The following MLLT6 variants were observed in gnomAD, a reference collection of about 807,000 sequenced individuals.
The protein encoded by MLLT6 is protein AF-17.
MLLT6 carries 22 observed loss-of-function variants against 103.0 expected under a neutral mutation model. The ratio of observed to expected loss-of-function variants is 0.21; its 90% confidence interval spans 0.15 to 0.31. The LOEUF (loss-of-function observed/expected upper bound fraction) is 0.31. MLLT6 is among the 10% of genes least tolerant of loss of function. The pLI is 1.00. For synonymous variants in MLLT6, 606 were observed against 623.5 expected (o/e 0.97, Z 0.42); for missense variants, 1,199 against 1,441.7 (o/e 0.83, Z 2.73).
At position 38,707,880 on chromosome 17, in the gene MLLT6, GCC is replaced by G; in HGVS notation, c.354+13_354+14del. ...CATGATCGCTTCAACAAGGTCAGCG[GCC>G]CCCCGCCGTGTCCCCTACCAGTTCC... is the stretch of plus-strand genomic sequence containing the variant. On this transcript the variant is annotated intron_variant, in intron 4 of 19. Coordinates refer to ENST00000621332, the MANE Select transcript of MLLT6 (RefSeq NM_005937.4). 1 of 1,562,542 alleles carries G rather than the reference GCC, an allele frequency of 6.4e-7. No homozygotes were observed. The highest frequency in any genetic ancestry group is 8.8e-7 in the Non-Finnish European group (1 of 1,139,116).
intron 16 of MLLT6, among the ~76,000 whole-genome samples, chr17:38,721,356 CATTT>C (rs1179762725): frequency 6.6e-6 from 1 of 152,174 alleles, no homozygotes; most frequent in Non-Finnish European, 1.5e-5. Flanking sequence ...TTAAAGCATT[CATTT>C]AGTCTTCATA....
Position 38,720,484 on chromosome 17 carries a change from G to C in MLLT6, c.2268G>C (p.Gln756His), listed in dbSNP as rs368322601. 1.9e-6 allele frequency: 3 copies of C among 1,612,792 alleles called. No homozygotes were observed. The highest frequency in any genetic ancestry group is 2.5e-6 in the Non-Finnish European group (3 of 1,179,894). The change falls in exon 15 of 20, where the codon CAG (glutamine) becomes CAC (histidine). Residue 756 changes from glutamine to histidine, a missense_variant. Gln to His is a conservative substitution (Grantham distance 24). Coordinates refer to ENST00000621332, the MANE Select transcript of MLLT6 (RefSeq NM_005937.4). ...KKERLQILNV[Q>H]LSVPFPALPA... is the part of the protein sequence containing the mutation. The stretch of plus-strand genomic sequence containing the variant: ...AGCGGCTGCAGATTCTCAACGTGCA[G>C]CTCTCTGTGCCCTTCCCTGCCCTGC...
In MLLT6 at chr17:38,722,008, T is replaced by G; in HGVS notation, c.2573T>G (p.Leu858Arg). The G allele has an allele frequency of 4.7e-6, 7 of 1,481,938 alleles. No homozygotes were observed. The highest frequency in any genetic ancestry group is 6.3e-6 in the Non-Finnish European group (7 of 1,117,736). The allele number at this position is 1,481,938 out of a possible 1,614,324, so 91.8% of individuals were successfully genotyped here. A position where few individuals can be genotyped will look rare whatever the true frequency, so the allele number is the denominator to read the frequency against. ...PLALPGAPAP[L>R]PPQPQNGLGR... Reference sequence around the variant, plus strand: ...GCCCTGCCTGGGGCCCCTGCCCCACTCCCGCCCCAGCCGCAGAACGGGTTG... The same window carrying G: ...GCCCTGCCTGGGGCCCCTGCCCCACGCCCGCCCCAGCCGCAGAACGGGTTG... Residue 858 changes from leucine to arginine, a missense_variant, in exon 17 of 20, where the codon CTC becomes CGC. Leu to Arg is a moderately radical substitution (Grantham distance 102). Transcript: ENST00000621332.
intron 18 of MLLT6, 139 bp downstream of exon 18, chr17:38,722,907 G>T (rs1342930951): frequency 1.2e-5 from 8 of 682,344 alleles, no homozygotes; most frequent in East Asian, 8.1e-5. Flanking sequence ...TGGGACTGGG[G>T]CTGGGCCCTG....
intron 12 of MLLT6, chr17:38,718,769 C>T (rs987535514): frequency 1.3e-5 from 2 of 152,280 alleles, no homozygotes; most frequent in Non-Finnish European, 2.9e-5. Context: ...GTCACAAGCG[C>T]CCCGCCCTCT....
At chr17:38,705,857 T>C (rs1904889427) in intron 1 of MLLT6, 116 bp downstream of exon 1, 1 of 315,718 alleles carries the variant, frequency 3.2e-6, no homozygotes, top group Non-Finnish European at 5.5e-6. Flanking sequence ...CCACCCCACC[T>C]GAAGGGAAGG....
chr17:38,720,241 T>C, intron 14 of MLLT6, 131 bp from the exon 15 acceptor site: 1 of 897,762 alleles, frequency 1.1e-6, no homozygotes. Flanking sequence ...AGAGCTCACC[T>C]GTGTCCCTCC....
At chr17:38,719,713 G>C (rs763316722) in intron 13 of MLLT6, 37 bp from the exon 14 acceptor site, 14 of 1,594,428 alleles carry the variant, frequency 8.8e-6, no homozygotes, top group South Asian at 5.6e-5. Flanking sequence ...GCCTGGAGTG[G>C]TCGGGTCGAC....
rs1651115651 is a variant in MLLT6, at chr17:38,728,997, AC to A, written c.*3403del. 1 of 231,970 alleles carries A rather than the reference AC, an allele frequency of 4.3e-6. No homozygotes were observed. The highest frequency in any genetic ancestry group is 1.8e-4 in the South Asian group (1 of 5,488). The allele number at this position is 231,970 out of a possible 1,614,324, so 14.4% of individuals were successfully genotyped here. On this transcript the variant is annotated 3_prime_UTR_variant, in exon 20 of 20. Coordinates refer to ENST00000621332, the MANE Select transcript of MLLT6 (RefSeq NM_005937.4). ...TCCTGACCTTGAGGCTGATGAGGGGACCCCTGCCTGTTTCCCCCATACTGAG... is the reference window on the plus strand; with the variant it reads ...TCCTGACCTTGAGGCTGATGAGGGGACCCTGCCTGTTTCCCCCATACTGAG...
chr17:38,714,034 C>T (rs1205716705), intron 8 of MLLT6: 2 of 152,266 alleles, frequency 1.3e-5, no homozygotes, highest in African/African-American at 4.8e-5. Flanking sequence ...TGGCAGCAGC[C>T]TGAAGCACGA....
chr17:38,720,331 G>A, intron 14 of MLLT6, 41 bp from the exon 15 acceptor site: 1 of 108,288 alleles, frequency 9.2e-6, no homozygotes, highest in Non-Finnish European at 1.5e-5. Context: ...CCCCGCCTCC[G>A]CCCCCTCGCC....
rs1406756600 is a variant in MLLT6 at position 38,707,497 on chromosome 17, G to C, written c.201G>C (p.Leu67=). The C allele has an allele frequency of 6.2e-7, 1 of 1,614,168 alleles. No homozygotes were observed. The highest frequency in any genetic ancestry group is 8.5e-7 in the Non-Finnish European group (1 of 1,180,012). The part of the protein sequence containing the change: ...QERAARVRCE[L]CPHKDGALKR... ...TCTTGCATTGGCAGAGGTGTGAGCT[G>C]TGCCCACACAAAGACGGGGCATTGA... Residue 67 remains leucine, a synonymous_variant, in exon 3 of 20, where the codon CTG becomes CTC. Coordinates refer to ENST00000621332, the MANE Select transcript of MLLT6 (RefSeq NM_005937.4).
rs548323888 is a variant in MLLT6 at position 38,709,040 on chromosome 17, C to T, written c.355-133C>T. The T allele has an allele frequency of 4.3e-6, 3 of 704,628 alleles. No individual in the cohort carries two copies. Among genetic ancestry groups the T allele is most frequent in the Non-Finnish European group, 7.3e-6 (3 of 410,988 alleles). The allele number at this position is 704,628 out of a possible 1,614,324, so 43.6% of individuals were successfully genotyped here. On this transcript the variant is annotated intron_variant, in intron 4 of 19. Transcript: ENST00000621332. This position sits in a 1 kb window ranked among gnomAD's most constrained non-coding sequence, Gnocchi z 4.3. ...GGCGCAGACCATAGAGCGTTTTCAT[C>T]ACTGCAGACAGTTCTGTGGGATAGC...
At chr17:38,720,599 A>G in intron 15 of MLLT6, 30 bp downstream of exon 15, 1 of 1,612,704 alleles carries the variant, frequency 6.2e-7, no homozygotes. Context: ...CCCGGGAGAG[A>G]GGCCCGTGCC....
At chr17:38,712,599 A>G (rs1351770932) in intron 7 of MLLT6, 92 bp from the exon 8 acceptor site, 1 of 824,074 alleles carries the variant, frequency 1.2e-6, no homozygotes, top group Non-Finnish European at 2.1e-6. Context: ...CCCCATCCCT[A>G]AGGGGGTGTC....
At position 38,726,147 on chromosome 17, in the gene MLLT6, A is replaced by G. The variant is rs1440811613; in HGVS notation, c.*549A>G. On this transcript the variant is annotated 3_prime_UTR_variant, in exon 20 of 20. Transcript: ENST00000621332. ...CGCAGGGGCACAAGCTGAGCTTGTA[A>G]AAGCCCACAGATGTTGGGGGCTGGA... 1.7e-5 allele frequency: 4 copies of G among 233,886 alleles called. No homozygotes were observed. The highest frequency in any genetic ancestry group is 1.7e-4 in the Admixed American group (3 of 17,794). The allele number at this position is 233,886 out of a possible 1,614,324, so 14.5% of individuals were successfully genotyped here. A position where few individuals can be genotyped will look rare whatever the true frequency, so the allele number is the denominator to read the frequency against.
At chr17:38,723,777 T>C (rs555149412) in intron 18 of MLLT6, among the ~76,000 whole-genome samples, 230 of 151,454 alleles carry the variant, frequency 1.5e-3, no homozygotes, top group Non-Finnish European at 3.1e-3. Context: ...AGTTTCACTC[T>C]TGTTGCCCAG....
rs1422500189 is a variant in MLLT6, at chr17:38,711,930, C to A, written c.636C>A (p.Phe212Leu). 6.2e-7 allele frequency: 1 copy of A among 1,609,612 alleles called. No individual in the cohort carries two copies. Among genetic ancestry groups the A allele is most frequent in the Non-Finnish European group, 8.5e-7 (1 of 1,177,724 alleles). ...GCATGGGGGGAGGTGGCAGTGGTTT[C>A]ATCTCTGGGAGGAGAAGCCGGTCAG... is the stretch of plus-strand genomic sequence containing the variant. ...GGSMGGGGSGFISGRRSRSAS... is the reference protein window; with the variant it reads ...GGSMGGGGSGLISGRRSRSAS... Residue 212 changes from phenylalanine to leucine, a missense_variant, in exon 7 of 20, where the codon TTC (phenylalanine) becomes TTA (leucine). By Grantham distance (22) the Phe-to-Leu change is conservative. Transcript: ENST00000621332.
chr17:38,714,430 C>T (rs545122186), intron 8 of MLLT6: 1 of 152,406 alleles, frequency 6.6e-6, no homozygotes, highest in South Asian at 2.1e-4. Context: ...GACGTTGAGA[C>T]TTTGCACAGT....
Sources: gnomAD v4.1 joint callset for allele counts (sites outside exome capture counted in the v4.1 genomes callset) on GRCh38, gnomAD v4.1.1 for gene constraint, Gnocchi (gnomAD v3.1) non-coding constraint, MANE v1.5 for transcripts, NCBI Gene and HGNC (gene_info 2026-07-23, HGNC 2026-07-21) for gene names.